Variants in TFEC observed in about 807,000 individuals in gnomAD.
TFEC encodes transcription factor EC.
TFEC carries 31 observed loss-of-function variants against 41.6 expected under a neutral mutation model. That is an observed-to-expected ratio of 0.74 (90% CI 0.56 to 1.01). The LOEUF is 1.01. Ranked by LOEUF, TFEC falls within the 50% of genes least tolerant of loss-of-function variation. The probability of loss-of-function intolerance (pLI) is 0.00; values close to 1 mark genes in which losing one functional copy is unlikely to be tolerated. For missense variants in TFEC, 402 were observed against 404.1 expected, an observed-to-expected ratio of 0.99 and a Z score of 0.04; for synonymous variants, 143 against 140.6, an observed-to-expected ratio of 1.02 and a Z score of -0.12.
At chr7:116,061,095 A>G (rs1303118801) in intron 3 of TFEC, among the ~76,000 whole-genome samples, 1 of 152,184 alleles carries the variant, frequency 6.6e-6, no homozygotes, top group East Asian at 1.9e-4. Flanking sequence ...TCCAAGCAAG[A>G]TTTTGTAGAA....
chr7:116,029,363 T>G (rs1267014202), intron 1 of TFEC, among the ~76,000 whole-genome samples: 3 of 152,160 alleles, frequency 2.0e-5, no homozygotes, highest in Non-Finnish European at 4.4e-5. Context: ...TACTTGCAAG[T>G]GCACTGCTAC....
intron 3 of TFEC, among the ~76,000 whole-genome samples, chr7:116,064,897 G>A (rs1328571639): frequency 1.3e-5 from 2 of 152,100 alleles, no homozygotes; most frequent in Admixed American, 1.3e-4. Flanking sequence ...TGAGAGATTC[G>A]CTGTTAGATT....
intron 1 of TFEC, among the ~76,000 whole-genome samples, chr7:116,019,957 A>G (rs1399629237): frequency 6.6e-6 from 1 of 152,184 alleles, no homozygotes; most frequent in African/African-American, 2.4e-5. Flanking sequence ...TCAATTTTAA[A>G]AATATATTAA....
chr7:115,946,398 T>TAC (rs752849478), intron 6 of TFEC, among the ~76,000 whole-genome samples: 3 of 55,820 alleles, frequency 5.4e-5, no homozygotes, highest in Non-Finnish European at 1.4e-4. Context: ...AAACATAACG[T>TAC]GTGTGTGTGT....
intron 6 of TFEC, among the ~76,000 whole-genome samples, chr7:115,946,668 CTTCT>C (rs1791587150): frequency 7.3e-6 from 1 of 136,640 alleles, no homozygotes; most frequent in Non-Finnish European, 1.6e-5. Flanking sequence ...TCCTTCCTTC[CTTCT>C]TTTCTTTTCT....
chr7:116,122,002 G>A (rs925071595), intron 1 of TFEC, among the ~76,000 whole-genome samples: 1 of 152,052 alleles, frequency 6.6e-6, no homozygotes, highest in South Asian at 2.1e-4. Context: ...ATGTATAGCT[G>A]TAGCTAGGTG....
chr7:116,065,485 A>G (rs931489697), intron 3 of TFEC, among the ~76,000 whole-genome samples: 6 of 152,286 alleles, frequency 3.9e-5, no homozygotes, highest in African/African-American at 1.4e-4. Context: ...TTCATGCATT[A>G]TGGGAGTGAG....
chr7:115,956,770 CACATCCAAAAT>C lies in TFEC; in HGVS notation c.280_290del (p.Ile94ValfsTer2). On this transcript the variant is annotated frameshift_variant, in exon 4 of 8. Coordinates refer to ENST00000265440, the MANE Select transcript of TFEC (RefSeq NM_012252.4). LOFTEE classifies it high-confidence loss of function. ...GTGAAATTCCTTGTTCACCGCTATA[CACATCCAAAAT>C]ACTTCCAGATAACTTGAGAGGAAAA... is the stretch of plus-strand genomic sequence containing the variant. 6.3e-7 allele frequency: 1 copy of C among 1,591,028 alleles called. No individual in the cohort carries two copies. Among genetic ancestry groups the C allele is most frequent in the Non-Finnish European group, 8.6e-7 (1 of 1,168,502 alleles).
At position 116,097,553 on chromosome 7, in the gene TFEC, T is replaced by C. The variant is rs551504007; in HGVS notation, c.198+13155A>G. Among the ~76,000 whole-genome samples, 48 of 152,258 alleles carry C rather than the reference T, an allele frequency of 3.2e-4. 1 individual carries two copies. In the South Asian group the frequency reaches 8.1e-3, roughly 26 times the overall value. ...ATAACGAAAATGGCTACTAAGTGACTAACAGGAAGTAGCTTTTATAGTGTG... is the reference window on the plus strand; with the variant it reads ...ATAACGAAAATGGCTACTAAGTGACCAACAGGAAGTAGCTTTTATAGTGTG... On this transcript the variant is annotated intron_variant, in intron 3 of 8. Transcript: ENST00000484212.
At chr7:116,129,970 A>G (rs1180917695) in intron 1 of TFEC, among the ~76,000 whole-genome samples, 1 of 150,510 alleles carries the variant, frequency 6.6e-6, no homozygotes, top group African/African-American at 2.5e-5. Context: ...CCCTCATGCT[A>G]TGATGCTTAT....
intron 3 of TFEC, among the ~76,000 whole-genome samples, chr7:116,036,502 A>C (rs1392199138): frequency 6.6e-6 from 1 of 152,130 alleles, no homozygotes; most frequent in Non-Finnish European, 1.5e-5. Flanking sequence ...AAATACCATC[A>C]GCATGTGAAT....
At chr7:116,040,456 T>C (rs975845270) in intron 3 of TFEC, among the ~76,000 whole-genome samples, 5 of 152,174 alleles carry the variant, frequency 3.3e-5, no homozygotes, top group African/African-American at 9.7e-5. Context: ...CACATAGGCA[T>C]TTCAGATATC....
intron 3 of TFEC, among the ~76,000 whole-genome samples, chr7:115,960,696 C>T (rs1009947847): frequency 6.6e-6 from 1 of 151,444 alleles, no homozygotes; most frequent in African/African-American, 2.4e-5. Context: ...AATAATTGAT[C>T]TAAACAGGTC....
intron 3 of TFEC, among the ~76,000 whole-genome samples, chr7:116,063,626 A>T (rs1381061257): frequency 6.6e-6 from 1 of 152,166 alleles, no homozygotes; most frequent in Admixed American, 6.5e-5. Flanking sequence ...CAAAAAAGAA[A>T]AAAGAACACC....
intron 3 of TFEC, among the ~76,000 whole-genome samples, chr7:115,960,893 G>A (rs900446256): frequency 5.9e-5 from 9 of 151,516 alleles, no homozygotes; most frequent in Admixed American, 4.0e-4. Flanking sequence ...ATCAGAAAAA[G>A]GGCTTTCACG....
intron 3 of TFEC, among the ~76,000 whole-genome samples, chr7:116,036,832 C>A (rs1436390542): frequency 6.6e-6 from 1 of 151,986 alleles, no homozygotes; most frequent in Admixed American, 6.6e-5. Context: ...GAATTGTTTT[C>A]CTTATATCTG....
At chr7:115,974,286 G>T (rs1348025505) in intron 2 of TFEC, 30 bp from the exon 3 acceptor site, 15 of 1,456,736 alleles carry the variant, frequency 1.0e-5, no homozygotes, top group Non-Finnish European at 1.4e-5. Context: ...TTAGAATATT[G>T]TACATAATGA....
chr7:116,138,855 G>A (rs1798485076), intron 1 of TFEC, among the ~76,000 whole-genome samples: 1 of 152,146 alleles, frequency 6.6e-6, no homozygotes, highest in Admixed American at 6.6e-5. Context: ...GTAAAGGCTT[G>A]AGCGGTCACC....
chr7:116,116,324 T>C (rs1035272613), intron 1 of TFEC, among the ~76,000 whole-genome samples: 1 of 151,912 alleles, frequency 6.6e-6, no homozygotes, highest in East Asian at 1.9e-4. Context: ...AAATATGTGA[T>C]GAACTTTCAT....
Sources: gnomAD v4.1 joint callset for allele counts (sites outside exome capture counted in the v4.1 genomes callset) on GRCh38, gnomAD v4.1.1 for gene constraint, MANE v1.5 for transcripts, NCBI Gene and HGNC (gene_info 2026-07-23, HGNC 2026-07-21) for gene names.